The following UNC79 variants were observed in gnomAD, a reference collection of about 807,000 sequenced individuals.
UNC79 encodes unc-79 subunit of NALCN channel complex, also known as protein unc-79 homolog.
A neutral mutation model predicts 283.1 loss-of-function variants in UNC79; 37 were observed. The ratio of observed to expected loss-of-function variants is 0.13; its 90% CI spans 0.10 to 0.17. The LOEUF is 0.17. Among genes scored for constraint, UNC79 ranks in the 10% least tolerant of loss-of-function variants. The pLI is 1.00. For missense variants in UNC79, 2,272 were observed against 3,211.1 expected (o/e 0.71, Z 7.07); for synonymous variants, 1,107 against 1,200.2 (o/e 0.92, Z 1.61).
At chr14:93,624,686 T>C (rs554210097) in intron 30 of UNC79, among the ~76,000 whole-genome samples, 1 of 152,342 alleles carries the variant, frequency 6.6e-6, no homozygotes, top group South Asian at 2.1e-4. Flanking sequence ...AATATTATTT[T>C]ACTGTCATCA....
intron 8 of UNC79, among the ~76,000 whole-genome samples, chr14:93,527,452 G>A (rs2060596872): frequency 6.6e-6 from 1 of 152,208 alleles, no homozygotes; most frequent in African/African-American, 2.4e-5. Context: ...TACGTCTAAG[G>A]AAGCATGAAA....
chr14:93,552,496 A>T (rs1465261800), intron 14 of UNC79, among the ~76,000 whole-genome samples: 1 of 152,202 alleles, frequency 6.6e-6, no homozygotes, highest in African/African-American at 2.4e-5. Context: ...GCAGCTCAGA[A>T]AATAATATTA....
At chr14:93,428,512 G>C (rs982197781), upstream of UNC79, among the ~76,000 whole-genome samples, 5 of 152,182 alleles carry the variant, frequency 3.3e-5, no homozygotes, top group Admixed American at 2.0e-4. Flanking sequence ...ATGTCGGAAT[G>C]GTGAAACTGA....
chr14:93,555,504 G>C (rs1297918654), intron 14 of UNC79, among the ~76,000 whole-genome samples: 1 of 152,028 alleles, frequency 6.6e-6, no homozygotes, highest in African/African-American at 2.4e-5. Context: ...CCTGGGTTCA[G>C]GTGATTATCC....
Position 93,617,374 on chromosome 14 carries a change from A to C in UNC79, c.4224+70A>C. 14 of 1,475,700 alleles carry C rather than the reference A, an allele frequency of 9.5e-6. No individual in the cohort carries two copies. Among genetic ancestry groups the C allele is most frequent in the Non-Finnish European group, 1.2e-5 (13 of 1,098,118 alleles). 91.4% of individuals were successfully genotyped at this position (1,475,700 alleles called of 1,614,324 possible). A position where few individuals can be genotyped will look rare whatever the true frequency, so the allele number is the denominator to read the frequency against. ...AGAGAGCATATAGCATTAGGAGAAC[A>C]CCTGAGTCTTTAGTTGAAAATTTTG... is the stretch of plus-strand genomic sequence containing the variant. On this transcript the variant is annotated intron_variant, in intron 28 of 48. Coordinates refer to ENST00000555664, the Ensembl canonical transcript of UNC79. The surrounding 1 kb of genome is among the most constrained non-coding windows in gnomAD (Gnocchi z 4.5).
intron 1 of UNC79, among the ~76,000 whole-genome samples, chr14:93,399,196 A>T (rs1260407335): frequency 6.6e-6 from 1 of 151,980 alleles, no homozygotes; most frequent in Non-Finnish European, 1.5e-5. Context: ...CCATGACCCA[A>T]ACACCTCCCT....
chr14:93,622,258 C>G (rs777702224), exon 30 of UNC79: 21 of 1,614,156 alleles, frequency 1.3e-5, no homozygotes, highest in African/African-American at 2.7e-5. Context: ...GCCATCCCTC[C>G]GTCCTCAGCC....
chr14:93,704,926 C>T (rs963901035), intron 48 of UNC79, among the ~76,000 whole-genome samples: 1 of 152,102 alleles, frequency 6.6e-6, no homozygotes, highest in Non-Finnish European at 1.5e-5. Context: ...GAGCAAGCCT[C>T]AATCCACTGA....
intron 24 of UNC79, among the ~76,000 whole-genome samples, chr14:93,598,365 CGTGT>C (rs71301930): frequency 0.07 from 4,482 of 64,020 alleles, 76 homozygotes; most frequent in Middle Eastern, 0.16. Context: ...TATTGCATAA[CGTGT>C]GTGTGTGTGT....
intron 3 of UNC79, 79 bp from the exon 4 acceptor site, chr14:93,477,479 T>G: frequency 8.0e-7 from 1 of 1,249,478 alleles, no homozygotes; most frequent in Non-Finnish European, 1.1e-6. Flanking sequence ...ACCAGTTCAT[T>G]AAAGCTTAAA....
At chr14:93,584,666 T>C (rs1393587340) in intron 20 of UNC79, among the ~76,000 whole-genome samples, 1 of 152,212 alleles carries the variant, frequency 6.6e-6, no homozygotes, top group East Asian at 1.9e-4. Flanking sequence ...TAATATTTTA[T>C]TGGAGCAATG....
chr14:93,417,550 T>G (rs1016271623), intron 1 of UNC79, among the ~76,000 whole-genome samples: 2 of 152,206 alleles, frequency 1.3e-5, no homozygotes, highest in African/African-American at 4.8e-5. Flanking sequence ...CTGTATTTCC[T>G]GAATCTGAAT....
At chr14:93,530,240 C>T (rs536143828) in intron 10 of UNC79, among the ~76,000 whole-genome samples, 1 of 151,188 alleles carries the variant, frequency 6.6e-6, no homozygotes, top group Admixed American at 6.6e-5. Context: ...ATATCAGCCT[C>T]TATATCCTTC....
chr14:93,707,623 T>C (rs1016276129), downstream of UNC79: 11 of 152,262 alleles, frequency 7.2e-5, no homozygotes, highest in Non-Finnish European at 1.5e-5. Context: ...TACAATTTAA[T>C]TGAAAACTGT....
intron 1 of UNC79, among the ~76,000 whole-genome samples, chr14:93,340,746 AT>A (rs1419281454): frequency 6.6e-6 from 1 of 151,718 alleles, no homozygotes; most frequent in African/African-American, 2.4e-5. Flanking sequence ...TAATTTTTGT[AT>A]TTTTTGTAGA....
chr14:93,644,059 G>A (rs1173580086), intron 34 of UNC79, among the ~76,000 whole-genome samples: 2 of 152,280 alleles, frequency 1.3e-5, no homozygotes, highest in African/African-American at 4.8e-5. Flanking sequence ...CTCTTTACCT[G>A]TTTTGAGATG....
At chr14:93,633,320 G>A (rs2068197847) in intron 31 of UNC79, among the ~76,000 whole-genome samples, 1 of 152,070 alleles carries the variant, frequency 6.6e-6, no homozygotes, top group Non-Finnish European at 1.5e-5. Context: ...TTTATCAGCT[G>A]GTTATTTCGT....
At chr14:93,510,686 G>A (rs1466337829) in intron 7 of UNC79, among the ~76,000 whole-genome samples, 2 of 152,140 alleles carry the variant, frequency 1.3e-5, no homozygotes, top group Admixed American at 1.3e-4. Flanking sequence ...CATCTCCATC[G>A]GAGACTGCCT....
chr14:93,612,350 A>G (rs1318850795), intron 26 of UNC79, among the ~76,000 whole-genome samples: 1 of 152,212 alleles, frequency 6.6e-6, no homozygotes, highest in African/African-American at 2.4e-5. Context: ...AAACAAAATA[A>G]CCCAGTGGTT....
Sources: gnomAD v4.1 joint callset for allele counts (sites outside exome capture counted in the v4.1 genomes callset) on GRCh38, gnomAD v4.1.1 for gene constraint, Gnocchi (gnomAD v3.1) non-coding constraint, MANE v1.5 for transcripts, NCBI Gene and HGNC (gene_info 2026-07-23, HGNC 2026-07-21) for gene names.